The following CUL3 variants were observed in gnomAD, a reference collection of about 807,000 sequenced individuals.
The protein encoded by CUL3 is cullin-3.
Under a neutral mutation model 89.1 loss-of-function variants are expected in CUL3, and 19 were observed. The ratio of observed to expected loss-of-function variants is 0.21; its 90% CI spans 0.15 to 0.31. The LOEUF is 0.31. CUL3 is among the 10% of genes least tolerant of loss of function. CUL3 has a pLI of 1.00. For missense variants in CUL3, 469 were observed against 942.3 expected (o/e 0.50, Z 6.58); for synonymous variants, 351 against 308.4 (o/e 1.14, Z -1.45).
chr2:224,549,368 C>T (rs1694425756), intron 2 of CUL3, among the ~76,000 whole-genome samples: 1 of 150,556 alleles, frequency 6.6e-6, no homozygotes, highest in East Asian at 1.9e-4. Flanking sequence ...ATTCAAAACA[C>T]ATGGCACAGG....
Position 224,474,329 on chromosome 2 carries a change from A to T in CUL3, c.2223T>A (p.Ile741=). The change falls in exon 16 of 16, where the codon ATT becomes ATA. Residue 741 remains isoleucine (I), a synonymous_variant. Transcript: ENST00000264414. ...KARFLPSPVV[I]KKRIEGLIER... ...CAATAAGTCCTTCAATACGTTTCTT[A>T]ATAACAACTGGACTTGGTAAGAATC... is the stretch of plus-strand genomic sequence containing the variant. 1 of 1,614,022 alleles carries T rather than the reference A, an allele frequency of 6.2e-7. No individual in the cohort carries two copies. The highest frequency in any genetic ancestry group is 8.5e-7 in the Non-Finnish European group (1 of 1,179,930).
chr2:224,473,925 T>C lies in CUL3; in HGVS notation c.*320A>G, dbSNP rs1691220424. 1 of 237,340 alleles carries C rather than the reference T, an allele frequency of 4.2e-6. No homozygotes were observed. The highest frequency in any genetic ancestry group is 8.3e-6 in the Non-Finnish European group (1 of 120,956). The allele number at this position is 237,340 out of a possible 1,614,324, so 14.7% of individuals were successfully genotyped here. A position where few individuals can be genotyped will look rare whatever the true frequency, so the allele number is the denominator to read the frequency against. On this transcript the variant is annotated 3_prime_UTR_variant, in exon 16 of 16. Transcript: ENST00000264414. Reference sequence around the variant, plus strand: ...CTGGGGAAATGAAATCCAACAATTTTATTGTAATGAGCTGTATTTTCTAAA... The same window carrying C: ...CTGGGGAAATGAAATCCAACAATTTCATTGTAATGAGCTGTATTTTCTAAA...
At chr2:224,563,459 T>G in intron 1 of CUL3, 1 of 246,898 alleles carries the variant, frequency 4.1e-6, no homozygotes, top group South Asian at 4.3e-5. Context: ...TGCACTTCTT[T>G]TCTGGAGAGT....
chr2:224,582,068 G>A (rs964903467), intron 1 of CUL3, among the ~76,000 whole-genome samples: 3 of 151,972 alleles, frequency 2.0e-5, no homozygotes, highest in African/African-American at 7.3e-5. Context: ...AGGTTCAAGC[G>A]ATTTTCCAGC....
In CUL3 at chr2:224,485,748, C is replaced by A. The variant is rs946300045; in HGVS notation, c.1843-3670G>T. Among the ~76,000 whole-genome samples, 2 of 152,240 alleles carry A rather than the reference C, an allele frequency of 1.3e-5. No homozygotes were observed. Among genetic ancestry groups the A allele is most frequent in the African/African-American group, 4.8e-5 (2 of 41,472 alleles). Reference sequence around the variant, plus strand: ...GAGCAGTGGATCCCACAGCGCAGCACTCCAGCTCTGCGAAGGGACAGACTG... The same window carrying A: ...GAGCAGTGGATCCCACAGCGCAGCAATCCAGCTCTGCGAAGGGACAGACTG... On this transcript the variant is annotated intron_variant, in intron 13 of 15. Transcript: ENST00000264414. The surrounding 1 kb of genome is among the most constrained non-coding windows in gnomAD (Gnocchi z 4.1).
intron 14 of CUL3, among the ~76,000 whole-genome samples, chr2:224,480,958 C>T (rs1217182139): frequency 1.2e-4 from 18 of 152,098 alleles, no homozygotes; most frequent in Non-Finnish European, 1.5e-5. Flanking sequence ...TTGCCAGAGA[C>T]ACTACTCTGT....
Position 224,471,111 on chromosome 2 carries a change from T to A in CUL3, c.*3134A>T, listed in dbSNP as rs552216335. ...TTATTTCTGCTTTGAGGACTAGAAA[T>A]GACTTCTAATTTTGCTGACCTGAAA... is the stretch of plus-strand genomic sequence containing the variant. On this transcript the variant is annotated 3_prime_UTR_variant, in exon 16 of 16. Coordinates refer to ENST00000264414, the MANE Select transcript of CUL3 (RefSeq NM_003590.5). 5 of 220,384 alleles carry A rather than the reference T, an allele frequency of 2.3e-5. No homozygotes were observed. Among genetic ancestry groups the A allele is most frequent in the Non-Finnish European group, 4.5e-5 (5 of 109,990 alleles). 13.7% of individuals were successfully genotyped at this position (220,384 alleles called of 1,614,324 possible).
intron 3 of CUL3, among the ~76,000 whole-genome samples, chr2:224,526,034 A>G (rs1693461052): frequency 6.6e-6 from 1 of 152,234 alleles, no homozygotes; most frequent in Non-Finnish European, 1.5e-5. Context: ...CTTCCAGGAG[A>G]GAGTTCGTGA....
intron 3 of CUL3, among the ~76,000 whole-genome samples, chr2:224,533,451 T>TGCAAG (rs1693766992): frequency 2.0e-5 from 3 of 151,550 alleles, no homozygotes; most frequent in Non-Finnish European, 4.4e-5. Context: ...TTTGAGATTT[T>TGCAAG]GTTGCAAAAA....
intron 13 of CUL3, among the ~76,000 whole-genome samples, chr2:224,483,343 T>C (rs1345345287): frequency 2.0e-5 from 3 of 152,134 alleles, no homozygotes; most frequent in African/African-American, 4.8e-5. Flanking sequence ...TAAAAGTCAG[T>C]CCTAAAACCT....
At chr2:224,552,339 C>A (rs923938292) in intron 2 of CUL3, among the ~76,000 whole-genome samples, 1 of 152,126 alleles carries the variant, frequency 6.6e-6, no homozygotes, top group South Asian at 2.1e-4. Context: ...ACATTACACC[C>A]TAAATTTTGC....
At chr2:224,546,666 A>ACG (rs561760268) in intron 2 of CUL3, among the ~76,000 whole-genome samples, 2,139 of 122,076 alleles carry the variant, frequency 0.018, 32 homozygotes, top group Non-Finnish European at 0.023. Flanking sequence ...CAGAAATAGG[A>ACG]TGGGGGGGGG....
At position 224,470,455 on chromosome 2, in the gene CUL3, TG is replaced by T. The variant is rs1691085637; in HGVS notation, c.*3789del. ...TCCTAGTTGTTTTTCTCCTGAGAGC[TG>T]GCGTAATGGCCAATCTCTGTATCAT... On this transcript the variant is annotated 3_prime_UTR_variant, in exon 16 of 16. Transcript: ENST00000264414. 1.3e-5 allele frequency: 3 copies of T among 231,132 alleles called. No individual in the cohort carries two copies. In the South Asian group the frequency reaches 5.4e-4, roughly 42 times the overall value. 14.3% of individuals were successfully genotyped at this position (231,132 alleles called of 1,614,324 possible).
chr2:224,480,569 A>T (rs1367254518), intron 14 of CUL3, among the ~76,000 whole-genome samples: 3 of 152,200 alleles, frequency 2.0e-5, no homozygotes, highest in Non-Finnish European at 4.4e-5. Context: ...AAAATCTAAA[A>T]ATCTATGAAG....
intron 12 of CUL3, among the ~76,000 whole-genome samples, chr2:224,496,173 T>C (rs1326744977): frequency 1.3e-5 from 2 of 152,158 alleles, no homozygotes; most frequent in Admixed American, 6.5e-5. Flanking sequence ...TAGGACCATG[T>C]GTGTGCACCA....
intron 3 of CUL3, among the ~76,000 whole-genome samples, chr2:224,519,710 C>T (rs888096726): frequency 6.6e-6 from 1 of 152,070 alleles, no homozygotes; most frequent in East Asian, 1.9e-4. Flanking sequence ...GGTACAGATG[C>T]ATAACCCTTG....
intron 2 of CUL3, among the ~76,000 whole-genome samples, chr2:224,544,219 TC>T (rs1275207862): frequency 6.6e-6 from 1 of 152,156 alleles, no homozygotes; most frequent in Non-Finnish European, 1.5e-5. Flanking sequence ...AGACTTCATT[TC>T]CCCTTATTAA....
chr2:224,504,225 G>A (rs1336615069), intron 8 of CUL3: 1 of 157,106 alleles, frequency 6.4e-6, no homozygotes, highest in Non-Finnish European at 1.4e-5. Context: ...TAAGCTCACT[G>A]AAAGCCTCAA....
chr2:224,556,716 TTAAG>T (rs958147773), intron 2 of CUL3, among the ~76,000 whole-genome samples: 15 of 152,136 alleles, frequency 9.9e-5, no homozygotes, highest in African/African-American at 3.1e-4. Flanking sequence ...TGTTCTTTGG[TTAAG>T]TAAGATTTCT....
Sources: allele counts gnomAD v4.1 joint callset (sites outside exome capture counted in the v4.1 genomes callset), GRCh38; gene constraint gnomAD v4.1.1; non-coding constraint Gnocchi (gnomAD v3.1); transcripts MANE v1.5; gene names NCBI Gene and HGNC (gene_info 2026-07-23, HGNC 2026-07-21).